The following APBB1 variants were observed in gnomAD, a reference collection of about 807,000 sequenced individuals.
The protein encoded by APBB1 is amyloid beta precursor protein binding family B member 1.
Under a neutral mutation model 78.4 loss-of-function variants are expected in APBB1, and 22 were observed. The observed-to-expected ratio is 0.28, with a 90% CI of 0.20 to 0.40. The LOEUF is 0.40. APBB1 is among the 10% of genes least tolerant of loss of function. The probability of loss-of-function intolerance (pLI) is 1.00; values close to 1 mark genes in which losing one functional copy is unlikely to be tolerated. For synonymous variants in APBB1, 369 were observed against 372.7 expected (o/e 0.99, Z 0.12); for missense variants, 749 against 932.4 (o/e 0.80, Z 2.56).
At position 6,403,590 on chromosome 11, in the gene APBB1, C is replaced by A. The variant is rs1848647773; in HGVS notation, c.898-46G>T. 8 of 1,613,804 alleles carry A rather than the reference C, an allele frequency of 5.0e-6. No individual in the cohort carries two copies. The highest frequency in any genetic ancestry group is 6.8e-6 in the Non-Finnish European group (8 of 1,179,700). ...AGTGAGTGAGTGTCCTATCCTACTC[C>A]AGCAGCACACACTCCCTCCACCCCT... On this transcript the variant is annotated intron_variant, in intron 3 of 14. Coordinates refer to ENST00000609360, the MANE Select transcript of APBB1 (RefSeq NM_001164.5). The surrounding 1 kb of genome is among the most constrained non-coding windows in gnomAD (Gnocchi z 5.3).
chr11:6,406,559 T>C (rs1023215614), intron 2 of APBB1, among the ~76,000 whole-genome samples: 1 of 152,192 alleles, frequency 6.6e-6, no homozygotes, highest in African/African-American at 2.4e-5. Flanking sequence ...GTTTTGTCAC[T>C]GCCCTCAGGA....
At chr11:6,397,069 G>A (rs1225070409) in intron 12 of APBB1, among the ~76,000 whole-genome samples, 1 of 152,184 alleles carries the variant, frequency 6.6e-6, no homozygotes, top group Non-Finnish European at 1.5e-5. Context: ...CTTGCACTCA[G>A]CAGAGCACCA....
intron 1 of APBB1, among the ~76,000 whole-genome samples, chr11:6,414,475 G>A (rs1197681986): frequency 6.6e-6 from 1 of 152,090 alleles, no homozygotes; most frequent in Non-Finnish European, 1.5e-5. Context: ...ACACAGACTG[G>A]GCTGTTGCAG....
At chr11:6,398,655 G>A (rs1223191860) in intron 12 of APBB1, among the ~76,000 whole-genome samples, 1 of 152,176 alleles carries the variant, frequency 6.6e-6, no homozygotes, top group Non-Finnish European at 1.5e-5. Flanking sequence ...ACGAGAAGGA[G>A]GAAAGCAAAG....
rs1848644367 is a variant in APBB1 at position 6,403,539 on chromosome 11, G to C, written c.903C>G (p.Thr301=). 3 of 1,614,180 alleles carry C rather than the reference G, an allele frequency of 1.9e-6. No homozygotes were observed. The highest frequency in any genetic ancestry group is 2.5e-6 in the Non-Finnish European group (3 of 1,180,020). ...CTTCTCCATGAGCAAAACCTGTCCA[G>C]GTGAGCTAGGAGGAGGGATGGGAGT... ...GSSPQEESQL[T]WTGFAHGEGF... Residue 301 remains threonine, a synonymous_variant, in exon 4 of 15, where the codon ACC becomes ACG. Coordinates refer to ENST00000609360, the MANE Select transcript of APBB1 (RefSeq NM_001164.5). This position sits in a 1 kb window ranked among gnomAD's most constrained non-coding sequence, Gnocchi z 5.3.
intron 12 of APBB1, 91 bp downstream of exon 12, chr11:6,400,898 G>A: frequency 8.5e-7 from 1 of 1,172,642 alleles, no homozygotes; most frequent in African/African-American, 1.5e-5. Context: ...GCATGAGGAA[G>A]GTCTGGTAGA....
chr11:6,415,577 A>G (rs1849099080), intron 1 of APBB1, among the ~76,000 whole-genome samples: 1 of 152,218 alleles, frequency 6.6e-6, no homozygotes, highest in African/African-American at 2.4e-5. Flanking sequence ...GGGGCTTACT[A>G]CAGCCAAGAC....
At chr11:6,398,410 T>C (rs1848336625) in intron 12 of APBB1, among the ~76,000 whole-genome samples, 1 of 152,198 alleles carries the variant, frequency 6.6e-6, no homozygotes, top group African/African-American at 2.4e-5. Context: ...ACTTGTTAAA[T>C]AAATGAATAA....
rs567723740 is a variant in APBB1, at chr11:6,414,644, C to T, written c.-14-3283G>A. ...GGGTGTCAGAGAATGCCAAAGGGTC[C>T]CTGAGTGGGAAGTAAGATGGGACAG... On this transcript the variant is annotated intron_variant, in intron 1 of 14. Transcript: ENST00000609360. Among the ~76,000 whole-genome samples the T allele has an allele frequency of 2.6e-5, 4 of 152,116 alleles. No individual in the cohort carries two copies. In the South Asian group the frequency reaches 8.3e-4, roughly 32 times the overall value.
intron 7 of APBB1, 103 bp downstream of exon 7, chr11:6,402,473 C>T: frequency 7.5e-7 from 1 of 1,335,116 alleles, no homozygotes. Context: ...GGGCCAATAT[C>T]CCCCTTCCCC....
chr11:6,405,615 A>G (rs1291046000), intron 2 of APBB1: 4 of 985,828 alleles, frequency 4.1e-6, no homozygotes, highest in Non-Finnish European at 4.8e-6. Context: ...TGCACACCTG[A>G]CGAGAGTTAT....
At chr11:6,406,712 G>T (rs77636905) in intron 2 of APBB1, among the ~76,000 whole-genome samples, 1 of 151,874 alleles carries the variant, frequency 6.6e-6, no homozygotes, top group Non-Finnish European at 1.5e-5. Flanking sequence ...CCTTACTCTC[G>T]ATTTTCACCT....
intron 2 of APBB1, chr11:6,405,797 A>C: frequency 1.9e-6 from 1 of 535,398 alleles, no homozygotes; most frequent in Non-Finnish European, 2.4e-6. Context: ...GGCACCTGAA[A>C]CTTAGCTGAG....
At position 6,403,037 on chromosome 11, in the gene APBB1, A is replaced by G; in HGVS notation, c.1104+108T>C. ...TGTGCTGAGACTGGAAGAACTCCTA[A>G]CTCAGGACCTGGGGAACTGCGCTGA... is the stretch of plus-strand genomic sequence containing the variant. On this transcript the variant is annotated intron_variant, in intron 6 of 14. Coordinates refer to ENST00000609360, the MANE Select transcript of APBB1 (RefSeq NM_001164.5). The surrounding 1 kb of genome is among the most constrained non-coding windows in gnomAD (Gnocchi z 5.3). 6 of 1,109,838 alleles carry G rather than the reference A, an allele frequency of 5.4e-6. No homozygotes were observed. Among genetic ancestry groups the G allele is most frequent in the Non-Finnish European group, 7.8e-6 (6 of 766,418 alleles). The allele number at this position is 1,109,838 out of a possible 1,614,324, so 68.7% of individuals were successfully genotyped here.
chr11:6,415,320 C>T (rs1394021751), intron 1 of APBB1, among the ~76,000 whole-genome samples: 1 of 152,206 alleles, frequency 6.6e-6, no homozygotes, highest in African/African-American at 2.4e-5. Context: ...TGCTCAAAGT[C>T]AGGAGTTGTC....
chr11:6,396,077 C>T lies in APBB1; in HGVS notation c.1788+23G>A, dbSNP rs751565077. ...TCCCCTCTATGGCAAGGCGCAGCCA[C>T]GACTTCTACCCCAGCTCTTTACCTG... On this transcript the variant is annotated intron_variant, in intron 13 of 14. Transcript: ENST00000609360. The T allele has an allele frequency of 6.4e-5, 101 of 1,586,458 alleles. No homozygotes were observed. The Admixed American group carries it at 8.3e-4, about 13-fold the overall frequency.
rs777829677 is a variant in APBB1, at chr11:6,402,774, T to C, written c.1105-49A>G. 4 of 1,610,054 alleles carry C rather than the reference T, an allele frequency of 2.5e-6. No homozygotes were observed. The Admixed American group carries it at 6.7e-5, about 27-fold the overall frequency. On this transcript the variant is annotated intron_variant, in intron 6 of 14. Transcript: ENST00000609360. ...GGAGGTAGAGGATCTGAGTCAAAAC[T>C]GGAGAGTTCCTGACTACAGAGTGTG...
At position 6,401,523 on chromosome 11, in the gene APBB1, C is replaced by T. The variant is rs1333511002; in HGVS notation, c.1503+51G>A. On this transcript the variant is annotated intron_variant, in intron 10 of 14. Coordinates refer to ENST00000609360, the MANE Select transcript of APBB1 (RefSeq NM_001164.5). This position sits in a 1 kb window ranked among gnomAD's most constrained non-coding sequence, Gnocchi z 4.5. ...ACAGCACTCAGTGACCCCACCCACA[C>T]CCTTGTAGAGCAAAGGTGGCAACTA... 6.2e-7 allele frequency: 1 copy of T among 1,613,960 alleles called. No individual in the cohort carries two copies.
Position 6,401,755 on chromosome 11 carries a change from C to T in APBB1, c.1389-67G>A. ...AGTGCTGAGCCTGGTCCCCACCCCACCCACGTCCTCCCTGCCCATCACAGC... is the reference window on the plus strand; with the variant it reads ...AGTGCTGAGCCTGGTCCCCACCCCATCCACGTCCTCCCTGCCCATCACAGC... On this transcript the variant is annotated intron_variant, in intron 9 of 14. Coordinates refer to ENST00000609360, the MANE Select transcript of APBB1 (RefSeq NM_001164.5). This position sits in a 1 kb window ranked among gnomAD's most constrained non-coding sequence, Gnocchi z 4.5. 1.3e-6 allele frequency: 2 copies of T among 1,554,872 alleles called. No individual in the cohort carries two copies. Among genetic ancestry groups the T allele is most frequent in the East Asian group, 4.5e-5 (2 of 44,550 alleles).
Sources: gnomAD v4.1 joint callset for allele counts (sites outside exome capture counted in the v4.1 genomes callset) on GRCh38, gnomAD v4.1.1 for gene constraint, Gnocchi (gnomAD v3.1) non-coding constraint, MANE v1.5 for transcripts, NCBI Gene and HGNC (gene_info 2026-07-23, HGNC 2026-07-21) for gene names.